The following FAM221A variants were observed in gnomAD, a reference collection of about 807,000 sequenced individuals.
FAM221A encodes the protein protein FAM221A.
FAM221A carries 43 observed loss-of-function variants against 37.6 expected under a neutral mutation model. The ratio of observed to expected loss-of-function variants is 1.15; its 90% confidence interval spans 0.90 to 1.48. FAM221A has a LOEUF of 1.48. Among genes scored for constraint, FAM221A ranks in the 40% most tolerant of loss-of-function variants. The probability of loss-of-function intolerance (pLI) is 0.00; values close to 1 mark genes in which losing one functional copy is unlikely to be tolerated. For missense variants in FAM221A, 361 were observed against 361.5 expected (o/e 1.00, Z 0.01); for synonymous variants, 135 against 132.9 (o/e 1.02, Z -0.11).
intron 5 of FAM221A, among the ~76,000 whole-genome samples, chr7:23,699,376 T>C (rs1050424239): frequency 1.3e-5 from 2 of 151,862 alleles, no homozygotes; most frequent in South Asian, 2.1e-4. Context: ...CTGCCTCAGC[T>C]TCCCAAAGCA....
chr7:23,700,320 A>G (rs1323109594), intron 5 of FAM221A, among the ~76,000 whole-genome samples: 1 of 152,190 alleles, frequency 6.6e-6, no homozygotes, highest in Non-Finnish European at 1.5e-5. Context: ...CAGCATATAA[A>G]TTAGTGCTTG....
rs553090204 is a variant in FAM221A, at chr7:23,700,985, A to G, written c.828+117A>G. 4.6e-4 allele frequency: 325 copies of G among 710,222 alleles called. 1 individual carries two copies. The African/African-American group carries it at 5.1e-3, about 11-fold the overall frequency. 44.0% of individuals were successfully genotyped at this position (710,222 alleles called of 1,614,324 possible). A position where few individuals can be genotyped will look rare whatever the true frequency, so the allele number is the denominator to read the frequency against. On this transcript the variant is annotated intron_variant, in intron 6 of 6. Coordinates refer to ENST00000344962, the MANE Select transcript of FAM221A (RefSeq NM_199136.5). ...AATAATTTATAAAGTCTTTACTTAC[A>G]GTTGGTGTTAGGCCTTGAGGCTTAT... is the stretch of plus-strand genomic sequence containing the variant.
intron 1 of FAM221A, among the ~76,000 whole-genome samples, chr7:23,683,138 C>T (rs1224699248): frequency 2.0e-5 from 3 of 152,164 alleles, no homozygotes; most frequent in Non-Finnish European, 4.4e-5. Context: ...ATTCCACAAA[C>T]ATCACTTTTT....
At chr7:23,691,621 A>T (rs1784758498) in intron 4 of FAM221A, 25 bp downstream of exon 4, 1 of 1,593,528 alleles carries the variant, frequency 6.3e-7, no homozygotes. Context: ...ATGAAATGTG[A>T]GCCCATTGTA....
chr7:23,690,192 TATATATA>T (rs1419431263), intron 3 of FAM221A, among the ~76,000 whole-genome samples: 93 of 56,378 alleles, frequency 1.6e-3, no homozygotes, highest in Non-Finnish European at 3.0e-3. Context: ...TATATATATA[TATATATA>T]TTTTTTTTTT....
At position 23,688,638 on chromosome 7, in the gene FAM221A, T is replaced by G. The variant is rs1390660484; in HGVS notation, c.240-631T>G. 3 of 146,962 alleles carry G rather than the reference T, an allele frequency of 2.0e-5. No individual in the cohort carries two copies. In the Admixed American group the frequency reaches 2.0e-4, roughly 10 times the overall value. 9.1% of individuals were successfully genotyped at this position (146,962 alleles called of 1,614,324 possible). A position where few individuals can be genotyped will look rare whatever the true frequency, so the allele number is the denominator to read the frequency against. ...AACATTGGTAAAGAACTTTTTCTTT[T>G]CTTTTTTTTTTTTTTGAGATGGAGT... is the stretch of plus-strand genomic sequence containing the variant. On this transcript the variant is annotated intron_variant, in intron 2 of 6. Coordinates refer to ENST00000344962, the MANE Select transcript of FAM221A (RefSeq NM_199136.5).
intron 4 of FAM221A, chr7:23,692,268 T>C: frequency 1.3e-6 from 1 of 785,296 alleles, no homozygotes; most frequent in Non-Finnish European, 1.5e-6. Context: ...GTAAGTTTTT[T>C]TTTTCTTTTT....
chr7:23,693,190 G>A (rs1432993198), intron 4 of FAM221A: 1 of 152,142 alleles, frequency 6.6e-6, no homozygotes, highest in African/African-American at 2.4e-5. Flanking sequence ...TAAAACTATT[G>A]GAGCGTGTTA....
chr7:23,680,262 A>G lies in FAM221A; in HGVS notation c.44A>G (p.Asp15Gly), dbSNP rs1439902996. 3.9e-6 allele frequency: 6 copies of G among 1,548,440 alleles called. No homozygotes were observed. Among genetic ancestry groups the G allele is most frequent in the Non-Finnish European group, 5.2e-6 (6 of 1,145,898 alleles). ...CCTCTCGGCGGCGCGGCGGCGGTGG[A>G]CGAGTACCTGGAGTACCGGAGGTGA... The part of the protein sequence containing the change: ...TLPLGGAAAV[D>G]EYLEYRRIVG... The change falls in exon 1 of 7, where the codon GAC becomes GGC. Residue 15 changes from aspartate (D) to glycine (G), a missense_variant. Transcript: ENST00000344962.
chr7:23,684,392 A>AACAGGCCTG, intron 1 of FAM221A, 107 bp from the exon 2 acceptor site: 5 of 883,100 alleles, frequency 5.7e-6, no homozygotes, highest in South Asian at 2.1e-5. Flanking sequence ...AGACAGATTT[A>AACAGGCCTG]CAAAATAAAA....
Position 23,684,485 on chromosome 7 carries a change from T to C in FAM221A, c.66-14T>C. 2 of 1,559,606 alleles carry C rather than the reference T, an allele frequency of 1.3e-6. No individual in the cohort carries two copies. Among genetic ancestry groups the C allele is most frequent in the Non-Finnish European group, 1.7e-6 (2 of 1,147,226 alleles). On this transcript the variant is annotated splice_polypyrimidine_tract_variant and intron_variant, in intron 1 of 6. Coordinates refer to ENST00000344962, the MANE Select transcript of FAM221A (RefSeq NM_199136.5). Reference sequence around the variant, plus strand: ...ATACTCAAAGCTTAAGAGAAATATATATTTTTGTTGTAGAATTGTTGGTGA... The same window carrying C: ...ATACTCAAAGCTTAAGAGAAATATACATTTTTGTTGTAGAATTGTTGGTGA...
chr7:23,681,373 T>C (rs1784028544), intron 1 of FAM221A, among the ~76,000 whole-genome samples: 1 of 152,204 alleles, frequency 6.6e-6, no homozygotes, highest in African/African-American at 2.4e-5. Flanking sequence ...GCTCCGAACA[T>C]GTTAGGGCAG....
rs775336190 is a variant in FAM221A at position 23,691,377 on chromosome 7, C to T, written c.431-13C>T. On this transcript the variant is annotated splice_polypyrimidine_tract_variant and intron_variant, in intron 3 of 6. Transcript: ENST00000344962. ...ACCTTTAAGAATTTAACTCCCTTTACATCTTGATTCAGGTTCCAAGTGTTC... is the reference window on the plus strand; with the variant it reads ...ACCTTTAAGAATTTAACTCCCTTTATATCTTGATTCAGGTTCCAAGTGTTC... The T allele has an allele frequency of 4.3e-6, 7 of 1,613,444 alleles. No individual in the cohort carries two copies. The highest frequency in any genetic ancestry group is 1.7e-6 in the Non-Finnish European group (2 of 1,179,378).
rs1289119558 is a variant in FAM221A at position 23,689,377 on chromosome 7, G to C, written c.348G>C (p.Leu116Phe). 6.2e-7 allele frequency: 1 copy of C among 1,608,424 alleles called. No individual in the cohort carries two copies. Among genetic ancestry groups the C allele is most frequent in the South Asian group, 1.1e-5 (1 of 90,744 alleles). ...GCAGGGCTTACCTTTATGTCCCCTT[G>C]AATGGTAGCCAGCCCATTCGCTGCA... Reference protein sequence around the residue: ...CQCRAYLYVPLNGSQPIRCRC... With the variant: ...CQCRAYLYVPFNGSQPIRCRC... Residue 116 changes from leucine (L) to phenylalanine (F), a missense_variant, in exon 3 of 7, where the codon TTG becomes TTC. Coordinates refer to ENST00000344962, the MANE Select transcript of FAM221A (RefSeq NM_199136.5).
intron 4 of FAM221A, chr7:23,692,135 T>C (rs1784790898): frequency 1.1e-6 from 1 of 875,486 alleles, no homozygotes; most frequent in Non-Finnish European, 1.4e-6. Flanking sequence ...ATATATGTTG[T>C]AAATAATGTA....
intron 6 of FAM221A, 36 bp from the exon 7 acceptor site, chr7:23,702,060 C>T: frequency 7.0e-7 from 1 of 1,421,284 alleles, no homozygotes; most frequent in South Asian, 1.3e-5. Context: ...GAATGGTTTA[C>T]AAGTTATTAT....
chr7:23,702,229 T>C lies in FAM221A; in HGVS notation c.*65T>C, dbSNP rs1785503987. 1 of 1,015,206 alleles carries C rather than the reference T, an allele frequency of 9.9e-7. No individual in the cohort carries two copies. The highest frequency in any genetic ancestry group is 1.4e-6 in the Non-Finnish European group (1 of 713,938). The allele number at this position is 1,015,206 out of a possible 1,614,324, so 62.9% of individuals were successfully genotyped here. ...TTTCATGTTTATTTAAATGTAATAA[T>C]ACAGTTTATTTTTCCTGAAATTATT... On this transcript the variant is annotated 3_prime_UTR_variant, in exon 7 of 7. Coordinates refer to ENST00000344962, the MANE Select transcript of FAM221A (RefSeq NM_199136.5).
intron 2 of FAM221A, chr7:23,688,705 G>A (rs1397330070): frequency 6.7e-6 from 1 of 149,954 alleles, no homozygotes; most frequent in African/African-American, 2.5e-5. Flanking sequence ...GGTACGATCT[G>A]GGCTCACCGC....
At chr7:23,689,164 G>A in intron 2 of FAM221A, 105 bp from the exon 3 acceptor site, 2 of 692,496 alleles carry the variant, frequency 2.9e-6, no homozygotes, top group South Asian at 6.7e-5. Flanking sequence ...GAATAATAAA[G>A]CAATAATAAT....
Sources: gnomAD v4.1 joint callset for allele counts (sites outside exome capture counted in the v4.1 genomes callset) on GRCh38, gnomAD v4.1.1 for gene constraint, MANE v1.5 for transcripts, NCBI Gene and HGNC (gene_info 2026-07-23, HGNC 2026-07-21) for gene names.